Variants in TRRAP observed in about 807,000 individuals in gnomAD.
TRRAP encodes transformation/transcription domain associated protein.
Under a neutral mutation model 438.8 loss-of-function variants are expected in TRRAP, and 41 were observed. The ratio of observed to expected loss-of-function variants is 0.09; its 90% CI spans 0.07 to 0.12. The LOEUF is 0.12. Ranked by LOEUF, TRRAP falls within the 10% of genes least tolerant of loss-of-function variation. The probability of loss-of-function intolerance (pLI) is 1.00; values close to 1 mark genes in which losing one functional copy is unlikely to be tolerated. For synonymous variants in TRRAP, 1,994 were observed against 1,962.9 expected, an observed-to-expected ratio of 1.02 and a Z score of -0.42; for missense variants, 3,122 against 5,055.1, an observed-to-expected ratio of 0.62 and a Z score of 11.60.
At chr7:98,895,074 T>A (rs1425342483) in intron 6 of TRRAP, among the ~76,000 whole-genome samples, 1 of 152,182 alleles carries the variant, frequency 6.6e-6, no homozygotes, top group Admixed American at 6.5e-5. Context: ...ATACAATTTT[T>A]AAAAAAATTT....
At chr7:98,984,798 A>G (rs984953357) in intron 61 of TRRAP, 146 bp from the exon 62 acceptor site, 8 of 531,860 alleles carry the variant, frequency 1.5e-5, no homozygotes, top group African/African-American at 1.3e-4. Flanking sequence ...CAATCAATAA[A>G]TATTCATGGT....
intron 52 of TRRAP, among the ~76,000 whole-genome samples, chr7:98,970,788 G>A (rs1034458486): frequency 6.6e-6 from 1 of 152,144 alleles, no homozygotes; most frequent in African/African-American, 2.4e-5. Flanking sequence ...CTGCCACACA[G>A]GGGCTGGGGC....
chr7:98,978,406 C>A, intron 57 of TRRAP, 83 bp downstream of exon 57: 1 of 1,266,420 alleles, frequency 7.9e-7, no homozygotes, highest in African/African-American at 1.5e-5. Context: ...TTGTAATGAG[C>A]GTTTTTTAAA....
intron 53 of TRRAP, among the ~76,000 whole-genome samples, chr7:98,972,317 A>C (rs1792453138): frequency 6.6e-6 from 1 of 152,242 alleles, no homozygotes; most frequent in Non-Finnish European, 1.5e-5. Context: ...TGCTGGGATT[A>C]TAGGCGTGAA....
At position 98,921,917 on chromosome 7, in the gene TRRAP, C is replaced by T. The variant is rs147854293; in HGVS notation, c.2787C>T (p.Ser929=). ...VQGPSITVEF[S]DCKASLQLPM... is the part of the protein sequence containing the mutation. Reference sequence around the variant, plus strand: ...GCCCCAGCATCACTGTGGAGTTTTCCGACTGCAAAGCTTCTCTCCAGCTCC... The same window carrying T: ...GCCCCAGCATCACTGTGGAGTTTTCTGACTGCAAAGCTTCTCTCCAGCTCC... Residue 929 remains serine (S), a synonymous_variant, in exon 21 of 73, where the codon TCC becomes TCT. Transcript: ENST00000456197. The T allele has an allele frequency of 1.4e-5, 22 of 1,614,200 alleles. No homozygotes were observed. The highest frequency in any genetic ancestry group is 6.6e-5 in the South Asian group (6 of 91,080).
rs1247321942 is a variant in TRRAP, at chr7:98,994,479, G to A, written c.10048-108G>A. 66 of 1,498,290 alleles carry A rather than the reference G, an allele frequency of 4.4e-5. No homozygotes were observed. The highest frequency in any genetic ancestry group is 5.9e-5 in the Non-Finnish European group (65 of 1,098,368). The allele number at this position is 1,498,290 out of a possible 1,614,324, so 92.8% of individuals were successfully genotyped here. On this transcript the variant is annotated intron_variant, in intron 66 of 72. Coordinates refer to ENST00000456197, the MANE Select transcript of TRRAP (RefSeq NM_001375524.1). This position sits in a 1 kb window ranked among gnomAD's most constrained non-coding sequence, Gnocchi z 4.8. ...CTGTGTGTGGGTCCTGCCGGGGAGT[G>A]CAGAGATGACCCTGGGCTGGGAGGG...
intron 30 of TRRAP, among the ~76,000 whole-genome samples, chr7:98,940,877 G>A (rs1790766838): frequency 6.6e-6 from 1 of 152,188 alleles, no homozygotes; most frequent in African/African-American, 2.4e-5. Context: ...AGTCACTGCT[G>A]GAGCTCTTGT....
At chr7:98,939,012 A>G (rs1790678517) in intron 30 of TRRAP, among the ~76,000 whole-genome samples, 1 of 152,228 alleles carries the variant, frequency 6.6e-6, no homozygotes, top group South Asian at 2.1e-4. Context: ...CCCATTTGAC[A>G]GTGTTTAAAA....
chr7:98,880,474 C>G (rs541107244), intron 1 of TRRAP, among the ~76,000 whole-genome samples: 1 of 151,886 alleles, frequency 6.6e-6, no homozygotes, highest in Non-Finnish European at 1.5e-5. Flanking sequence ...ATGTTGGCTA[C>G]GCTGGTCTGG....
At chr7:98,899,389 G>C in intron 8 of TRRAP, 33 bp from the exon 9 acceptor site, 1 of 1,606,984 alleles carries the variant, frequency 6.2e-7, no homozygotes, top group Non-Finnish European at 8.5e-7. Flanking sequence ...TGCCACAATG[G>C]TAACCCGGGT....
At chr7:98,893,370 C>G (rs1461983585) in intron 5 of TRRAP, among the ~76,000 whole-genome samples, 1 of 152,198 alleles carries the variant, frequency 6.6e-6, no homozygotes, top group Non-Finnish European at 1.5e-5. Flanking sequence ...AGTGCTTAAC[C>G]CCTGAGATAT....
At chr7:98,977,221 G>C (rs1792700749) in intron 56 of TRRAP, 145 bp downstream of exon 56, 1 of 1,146,050 alleles carries the variant, frequency 8.7e-7, no homozygotes, top group East Asian at 2.7e-5. Flanking sequence ...GAGTGCAGTG[G>C]CACAATCTCG....
intron 35 of TRRAP, 70 bp from the exon 36 acceptor site, chr7:98,949,347 C>T: frequency 7.2e-7 from 1 of 1,384,116 alleles, no homozygotes; most frequent in Non-Finnish European, 9.4e-7. Context: ...AAAGATTTAA[C>T]ATTCATATCC....
chr7:98,999,243 C>G (rs1287096527), intron 67 of TRRAP: 4 of 1,186,428 alleles, frequency 3.4e-6, no homozygotes, highest in Non-Finnish European at 5.1e-6. Flanking sequence ...CATGCATTCA[C>G]TGCCCAGCTT....
In TRRAP at chr7:98,948,343, AAGGGCCATACTG is replaced by A; in HGVS notation, c.4668+5_4668+16del. The A allele has an allele frequency of 6.2e-7, 1 of 1,614,152 alleles. No homozygotes were observed. Among genetic ancestry groups the A allele is most frequent in the Non-Finnish European group, 8.5e-7 (1 of 1,180,026 alleles). ...CGGAGCGGGCGATGCTGATCGAGGT[AAGGGCCATACTG>A]AAGGCTGCTTCTCGCTCTGCCACCC... On this transcript the variant is annotated splice_donor_5th_base_variant and intron_variant, in intron 34 of 72. Transcript: ENST00000456197. The surrounding 1 kb of genome is among the most constrained non-coding windows in gnomAD (Gnocchi z 4.9).
intron 58 of TRRAP, 150 bp downstream of exon 58, chr7:98,979,054 C>G (rs1792793167): frequency 7.5e-6 from 7 of 932,110 alleles, no homozygotes; most frequent in Non-Finnish European, 1.1e-5. Context: ...TGTCTAACAC[C>G]TTTCCTGAAT....
chr7:98,976,589 G>A lies in TRRAP; in HGVS notation c.8066G>A (p.Cys2689Tyr). 6.2e-7 allele frequency: 1 copy of A among 1,614,196 alleles called. No individual in the cohort carries two copies. Among genetic ancestry groups the A allele is most frequent in the African/African-American group, 1.3e-5 (1 of 75,046 alleles). ...TGCTTTGTGGAAGCCATGTCCCAGT[G>A]CGTGCCGCCAATCCCCATCCGACCC... ...LNCFVEAMSQ[C>Y]VPPIPIRPCV... Residue 2689 changes from cysteine (C) to tyrosine (Y), a missense_variant, in exon 55 of 73, where the codon TGC becomes TAC. Physicochemically the swap from Cys to Tyr is radical, Grantham distance 194. This residue lies in a region of TRRAP where 992 missense variants were observed against 1,281.2 expected (regional missense o/e 0.77). Coordinates refer to ENST00000456197, the MANE Select transcript of TRRAP (RefSeq NM_001375524.1). This position sits in a 1 kb window ranked among gnomAD's most constrained non-coding sequence, Gnocchi z 4.6.
At position 98,910,344 on chromosome 7, in the gene TRRAP, C is replaced by G. The variant is rs1797022940; in HGVS notation, c.1639C>G (p.Arg547Gly). Residue 547 changes from arginine (R) to glycine (G), a missense_variant, in exon 15 of 73, where the codon CGA (arginine) becomes GGA (glycine). Physicochemically the swap from Arg to Gly is moderately radical, Grantham distance 125. This residue lies in a region of TRRAP where 115 missense variants were observed against 124.6 expected (regional missense o/e 0.92). Coordinates refer to ENST00000456197, the MANE Select transcript of TRRAP (RefSeq NM_001375524.1). ...GCAGACATTCCAAGTCACAGACTGTCGAAGTTTGGTCAAAACCTTGGTGTG... is the reference window on the plus strand; with the variant it reads ...GCAGACATTCCAAGTCACAGACTGTGGAAGTTTGGTCAAAACCTTGGTGTG... ...DKQTFQVTDC[R>G]SLVKTLVCGV... 1 of 1,610,530 alleles carries G rather than the reference C, an allele frequency of 6.2e-7. No individual in the cohort carries two copies. The highest frequency in any genetic ancestry group is 8.5e-7 in the Non-Finnish European group (1 of 1,179,626).
At position 98,976,097 on chromosome 7, in the gene TRRAP, C is replaced by A; in HGVS notation, c.7840-52C>A. ...TGGGTGTCTTCTGAGCGTGGTTGTG[C>A]GAGGCACCCCCAGCCCGTGGCCATC... On this transcript the variant is annotated intron_variant, in intron 53 of 72. Transcript: ENST00000456197. The surrounding 1 kb of genome is among the most constrained non-coding windows in gnomAD (Gnocchi z 4.6). The A allele has an allele frequency of 6.2e-7, 1 of 1,604,208 alleles. No homozygotes were observed. Among genetic ancestry groups the A allele is most frequent in the East Asian group, 2.2e-5 (1 of 44,684 alleles).
Sources: allele counts gnomAD v4.1 joint callset (sites outside exome capture counted in the v4.1 genomes callset), GRCh38; gene constraint gnomAD v4.1.1; regional missense constraint gnomAD v4.1.1; non-coding constraint Gnocchi (gnomAD v3.1); transcripts MANE v1.5; gene names NCBI Gene and HGNC (gene_info 2026-07-23, HGNC 2026-07-21).